Variants in EVC observed in about 807,000 individuals in gnomAD.
EVC encodes evC complex member EVC.
In EVC, 116 loss-of-function variants were observed where a neutral mutation model predicts 118.9. That is an observed-to-expected ratio of 0.98 (90% CI 0.84 to 1.14). The LOEUF (loss-of-function observed/expected upper bound fraction) is 1.14, where lower values mean the gene tolerates loss of function less well. Ranked by LOEUF, EVC falls within the 50% of genes most tolerant of loss-of-function variation. The pLI, the probability that EVC is intolerant of heterozygous loss-of-function variation, is 0.00. For missense variants in EVC, 1,401 were observed against 1,246.4 expected, an observed-to-expected ratio of 1.12 and a Z score of -1.87; for synonymous variants, 619 against 534.7, an observed-to-expected ratio of 1.16 and a Z score of -2.18.
the EVC span, among the ~76,000 whole-genome samples, chr4:5,827,493 A>G: frequency 1.3e-5 from 2 of 152,162 alleles, no homozygotes; most frequent in African/African-American, 4.8e-5. Context: ...GAGCCTGGGA[A>G]TGCAGGAAGG....
At chr4:5,733,551 GC>G (rs1439716815) in intron 5 of EVC, 116 bp downstream of exon 5, 1 of 930,454 alleles carries the variant, frequency 1.1e-6, no homozygotes, top group Non-Finnish European at 1.7e-6. Flanking sequence ...TGGAAACAGA[GC>G]CGCTGTGAGG....
chr4:5,815,311 C>T (rs28671703), downstream of EVC, among the ~76,000 whole-genome samples: 8,434 of 152,112 alleles, frequency 0.055, 343 homozygotes, highest in South Asian at 0.087. Context: ...CTCCACCCTA[C>T]GAAGGCTCCT....
intron 11 of EVC, among the ~76,000 whole-genome samples, chr4:5,764,714 T>C (rs1224559994): frequency 1.4e-5 from 2 of 138,318 alleles, no homozygotes; most frequent in Non-Finnish European, 3.2e-5. Flanking sequence ...TATTCTCTGA[T>C]GGTAGTTTGT....
chr4:5,828,427 C>T, the EVC span: 1 of 1,578,112 alleles, frequency 6.3e-7, no homozygotes, highest in Non-Finnish European at 8.6e-7. Context: ...ATCTCGATTC[C>T]CCAAGAGACG....
At chr4:5,805,915 A>C (rs867488217) in intron 17 of EVC, among the ~76,000 whole-genome samples, 1 of 127,896 alleles carries the variant, frequency 7.8e-6, no homozygotes, top group Admixed American at 8.5e-5. Flanking sequence ...TTTTTGAAGG[A>C]GTGACAGTAC....
chr4:5,758,310 C>G, intron 11 of EVC: 1 of 560,140 alleles, frequency 1.8e-6, no homozygotes, highest in South Asian at 2.4e-5. Flanking sequence ...TGTCTTAATG[C>G]ACCCAGTTTG....
downstream of EVC, among the ~76,000 whole-genome samples, chr4:5,814,616 G>A (rs1717394634): frequency 6.6e-6 from 1 of 152,164 alleles, no homozygotes; most frequent in Non-Finnish European, 1.5e-5. Context: ...AGAGGTCTAG[G>A]CTGAGCCCAC....
intron 2 of EVC, among the ~76,000 whole-genome samples, chr4:5,725,120 C>G (rs1299908749): frequency 6.6e-6 from 1 of 152,196 alleles, no homozygotes; most frequent in Non-Finnish European, 1.5e-5. Context: ...TTTATCCACT[C>G]TATCAGTGAT....
intron 2 of EVC, among the ~76,000 whole-genome samples, chr4:5,727,067 A>T (rs2151904448): frequency 6.6e-6 from 1 of 152,290 alleles, no homozygotes; most frequent in South Asian, 2.1e-4. Context: ...CATGATTTAT[A>T]GTCCTTTGGG....
In EVC at chr4:5,754,470, G is replaced by T. The variant is rs538912936; in HGVS notation, c.1464+537G>T. Reference sequence around the variant, plus strand: ...AAGAAGACCTGAAGGAGGACAAAAAGCAAGATGTCACCCTCCAAGGAAAAG... The same window carrying T: ...AAGAAGACCTGAAGGAGGACAAAAATCAAGATGTCACCCTCCAAGGAAAAG... On this transcript the variant is annotated intron_variant, in intron 10 of 20. Transcript: ENST00000264956. This position sits in a 1 kb window ranked among gnomAD's most constrained non-coding sequence, Gnocchi z 5.8. Among the ~76,000 whole-genome samples, 1 of 152,268 alleles carries T rather than the reference G, an allele frequency of 6.6e-6. No homozygotes were observed. Among genetic ancestry groups the T allele is most frequent in the African/African-American group, 2.4e-5 (1 of 41,546 alleles).
In EVC at chr4:5,789,179, C is replaced by T. The variant is rs912741502; in HGVS notation, c.1777-4429C>T. Among the ~76,000 whole-genome samples the T allele has an allele frequency of 3.3e-5, 5 of 152,124 alleles. No individual in the cohort carries two copies. The highest frequency in any genetic ancestry group is 5.9e-5 in the Non-Finnish European group (4 of 68,042). ...TTTGATAGGGAACACTAAGTCACAT[C>T]GTGTTGCTTCTCTGCAGAACCCCCA... On this transcript the variant is annotated intron_variant, in intron 12 of 20. Coordinates refer to ENST00000264956, the MANE Select transcript of EVC (RefSeq NM_153717.3). This position sits in a 1 kb window ranked among gnomAD's most constrained non-coding sequence, Gnocchi z 4.3.
chr4:5,727,364 T>A (rs1726023443), intron 2 of EVC, among the ~76,000 whole-genome samples: 1 of 152,216 alleles, frequency 6.6e-6, no homozygotes, highest in African/African-American at 2.4e-5. Context: ...GCTGCATCAA[T>A]GTCTTCTTTT....
chr4:5,828,530 A>T, the EVC span: 1 of 1,614,076 alleles, frequency 6.2e-7, no homozygotes, highest in Non-Finnish European at 8.5e-7. Context: ...TGCTCCGGGA[A>T]CGCCTTCCGC....
At chr4:5,781,296 G>A (rs1028057989) in intron 11 of EVC, among the ~76,000 whole-genome samples, 1 of 152,116 alleles carries the variant, frequency 6.6e-6, no homozygotes, top group Non-Finnish European at 1.5e-5. Flanking sequence ...TGAGATGTGG[G>A]TGCAGACCCT....
intron 7 of EVC, 63 bp from the exon 8 acceptor site, chr4:5,748,085 A>G: frequency 6.5e-7 from 1 of 1,537,188 alleles, no homozygotes; most frequent in Non-Finnish European, 8.9e-7. Flanking sequence ...CCGAGCACGC[A>G]CCGTTTGGCT....
chr4:5,717,842 A>C lies in EVC; in HGVS notation c.175-1406A>C, dbSNP rs533175894. On this transcript the variant is annotated intron_variant, in intron 1 of 20. Coordinates refer to ENST00000264956, the MANE Select transcript of EVC (RefSeq NM_153717.3). ...CCCCACCCTCCACTGTTACTCTAGG[A>C]CATGATTGTCCCTGAATTGCTATGT... Among the ~76,000 whole-genome samples, 4 of 152,324 alleles carry C rather than the reference A, an allele frequency of 2.6e-5. No individual in the cohort carries two copies. In the South Asian group the frequency reaches 8.3e-4, roughly 32 times the overall value.
intron 3 of EVC, among the ~76,000 whole-genome samples, chr4:5,729,816 GC>G (rs1341024362): frequency 6.6e-6 from 1 of 152,156 alleles, no homozygotes; most frequent in African/African-American, 2.4e-5. Context: ...TTGGTGTTAT[GC>G]CTATCAGGTA....
chr4:5,787,926 T>G (rs964001748), intron 12 of EVC, among the ~76,000 whole-genome samples: 9 of 152,122 alleles, frequency 5.9e-5, no homozygotes, highest in African/African-American at 2.2e-4. Flanking sequence ...CAAGGTGGTG[T>G]TTGGCCAAGT....
At chr4:5,725,766 AT>A (rs887674394) in intron 2 of EVC, among the ~76,000 whole-genome samples, 1 of 152,044 alleles carries the variant, frequency 6.6e-6, no homozygotes, top group Admixed American at 6.5e-5. Flanking sequence ...TGTTTTTGGC[AT>A]TTTTGTCGTG....
Sources: allele counts gnomAD v4.1 joint callset (sites outside exome capture counted in the v4.1 genomes callset), GRCh38; gene constraint gnomAD v4.1.1; non-coding constraint Gnocchi (gnomAD v3.1); transcripts MANE v1.5; gene names NCBI Gene and HGNC (gene_info 2026-07-23, HGNC 2026-07-21).